The following CLVS1 variants were observed in gnomAD, a reference collection of about 807,000 sequenced individuals.
The protein encoded by CLVS1 is clavesin-1.
CLVS1 carries 10 observed loss-of-function variants against 33.1 expected under a neutral mutation model. That is an observed-to-expected ratio of 0.30 (90% CI 0.19 to 0.51). CLVS1 has a LOEUF of 0.51. Among genes scored for constraint, CLVS1 ranks in the 20% least tolerant of loss-of-function variants. CLVS1 has a pLI of 0.97. For missense variants in CLVS1, 343 were observed against 433.4 expected, an observed-to-expected ratio of 0.79 and a Z score of 1.85; for synonymous variants, 163 against 166.1, an observed-to-expected ratio of 0.98 and a Z score of 0.14.
intron 3 of CLVS1, among the ~76,000 whole-genome samples, chr8:61,396,758 T>C (rs1292309517): frequency 1.3e-5 from 2 of 152,216 alleles, no homozygotes; most frequent in Non-Finnish European, 2.9e-5. Context: ...GATTTACTGA[T>C]TCTGGACATT....
chr8:61,251,964 G>T (rs1808959187), intron 2 of CLVS1, among the ~76,000 whole-genome samples: 2 of 151,996 alleles, frequency 1.3e-5, no homozygotes, highest in Non-Finnish European at 2.9e-5. Flanking sequence ...GCTAATTTTT[G>T]AATTTGTTTG....
At chr8:61,137,656 A>C (rs1585636459) in intron 2 of CLVS1, among the ~76,000 whole-genome samples, 1 of 152,090 alleles carries the variant, frequency 6.6e-6, no homozygotes, top group East Asian at 1.9e-4. Flanking sequence ...CTATGTCCTC[A>C]AGTCTTCAGA....
chr8:61,307,989 A>C (rs930150016), intron 2 of CLVS1, among the ~76,000 whole-genome samples: 1 of 152,242 alleles, frequency 6.6e-6, no homozygotes, highest in Non-Finnish European at 1.5e-5. Flanking sequence ...AGGCAGGATC[A>C]GTATTATTGA....
At chr8:61,164,212 C>A (rs887138309) in intron 2 of CLVS1, among the ~76,000 whole-genome samples, 8 of 152,202 alleles carry the variant, frequency 5.3e-5, no homozygotes, top group African/African-American at 1.9e-4. Flanking sequence ...CCTTCCCCAA[C>A]TAGGCGTAGG....
At chr8:61,285,959 GT>G (rs34918981), upstream of CLVS1, among the ~76,000 whole-genome samples, 10,355 of 135,046 alleles carry the variant, frequency 0.077, 496 homozygotes, top group African/African-American at 0.15. Context: ...TTTCCCTGTA[GT>G]TTTTTTTTTT....
intron 3 of CLVS1, among the ~76,000 whole-genome samples, chr8:61,434,477 T>C (rs1434774072): frequency 2.0e-5 from 3 of 152,242 alleles, no homozygotes; most frequent in East Asian, 3.9e-4. Flanking sequence ...CCTAAGAACA[T>C]GTGCCCAAGG....
At chr8:61,318,290 G>T (rs1811078988) in intron 2 of CLVS1, among the ~76,000 whole-genome samples, 1 of 152,018 alleles carries the variant, frequency 6.6e-6, no homozygotes, top group Admixed American at 6.6e-5. Flanking sequence ...AGATGTTTTT[G>T]ATATCATTGT....
At chr8:61,053,832 C>A (rs1804426688), upstream of CLVS1, among the ~76,000 whole-genome samples, 1 of 152,168 alleles carries the variant, frequency 6.6e-6, no homozygotes, top group South Asian at 2.1e-4. Flanking sequence ...TGTTAGGATG[C>A]AAATCTTGGC....
chr8:61,036,770 G>A, the CLVS1 span, among the ~76,000 whole-genome samples: 3,548 of 152,286 alleles, frequency 0.023, 59 homozygotes, highest in Middle Eastern at 0.051. Context: ...CCTTGCTAAC[G>A]TTTGCCATTA....
intron 2 of CLVS1, among the ~76,000 whole-genome samples, chr8:61,315,238 G>A (rs188399644): frequency 6.6e-6 from 1 of 152,276 alleles, no homozygotes; most frequent in Admixed American, 6.5e-5. Context: ...TACCAAAGTG[G>A]TGTCAGTCCT....
chr8:61,349,119 C>G (rs1459911539), intron 2 of CLVS1, among the ~76,000 whole-genome samples: 1 of 151,950 alleles, frequency 6.6e-6, no homozygotes. Flanking sequence ...GATTTTCACC[C>G]TTTGTTAGAT....
intron 2 of CLVS1, among the ~76,000 whole-genome samples, chr8:61,236,680 G>A (rs979800283): frequency 6.6e-6 from 1 of 152,080 alleles, no homozygotes; most frequent in African/African-American, 2.4e-5. Flanking sequence ...GCTCCCCAGG[G>A]CCTAGATTCA....
intron 2 of CLVS1, among the ~76,000 whole-genome samples, chr8:61,231,436 T>G (rs111736836): frequency 0.019 from 2,891 of 152,252 alleles, 85 homozygotes; most frequent in African/African-American, 0.063. Flanking sequence ...ATTTTCTGAG[T>G]GTCAGGGTAG....
At position 61,149,551 on chromosome 8, in the gene CLVS1, C is replaced by CAAAAAAAAAAAAAAA. The variant is rs1166606940; in HGVS notation, c.-152+17694_-152+17708dup. 4.7e-3 allele frequency among the ~76,000 whole-genome samples: 243 copies of CAAAAAAAAAAAAAAA among 51,864 alleles called. 15 individuals are homozygous for CAAAAAAAAAAAAAAA. The highest frequency in any genetic ancestry group is 7.2e-3 in the Non-Finnish European group (164 of 22,862). 34.0% of individuals were successfully genotyped at this position (51,864 alleles called of 152,430 possible). ...TAGGCGACAGAACGAGACTCTGTCT[C>CAAAAAAAAAAAAAAA]AAAAAAAAAAAAAAAAACAAAAAAC... On this transcript the variant is annotated intron_variant, in intron 2 of 2. Transcript: ENST00000522621.
intron 2 of CLVS1, among the ~76,000 whole-genome samples, chr8:61,373,624 A>C (rs920943049): frequency 1.3e-5 from 2 of 152,216 alleles, no homozygotes; most frequent in African/African-American, 2.4e-5. Flanking sequence ...TATCTTCACC[A>C]TTCAACTAAA....
intron 2 of CLVS1, among the ~76,000 whole-genome samples, chr8:61,276,792 T>C (rs1585742474): frequency 1.3e-5 from 2 of 152,230 alleles, no homozygotes; most frequent in South Asian, 2.1e-4. Context: ...TTAGTTATTA[T>C]GTAAAAACAG....
the CLVS1 span, among the ~76,000 whole-genome samples, chr8:60,968,915 A>T: frequency 2.6e-5 from 4 of 152,000 alleles, no homozygotes; most frequent in Admixed American, 6.5e-5. Flanking sequence ...TAAAATAAAA[A>T]AAAATAAAAG....
rs561689909 is a variant in CLVS1 at position 61,501,484 on chromosome 8, C to T, written c.*1942C>T. 1.8e-4 allele frequency: 27 copies of T among 152,088 alleles called. No homozygotes were observed. The highest frequency in any genetic ancestry group is 5.5e-4 in the African/African-American group (23 of 41,516). 9.4% of individuals were successfully genotyped at this position (152,088 alleles called of 1,614,324 possible). A position where few individuals can be genotyped will look rare whatever the true frequency, so the allele number is the denominator to read the frequency against. On this transcript the variant is annotated 3_prime_UTR_variant, in exon 6 of 6. Coordinates refer to ENST00000325897, the MANE Select transcript of CLVS1 (RefSeq NM_173519.3). ...ATGTAAGATGATGGCTCAAAAATGA[C>T]GACTTATAGTTTGAATTTATGTGTA...
intron 2 of CLVS1, among the ~76,000 whole-genome samples, chr8:61,335,532 A>G (rs1811768642): frequency 6.6e-6 from 1 of 152,196 alleles, no homozygotes; most frequent in Non-Finnish European, 1.5e-5. Flanking sequence ...TGTGTACCCA[A>G]GCTTATGCAC....
Sources: allele counts gnomAD v4.1 joint callset (sites outside exome capture counted in the v4.1 genomes callset), GRCh38; gene constraint gnomAD v4.1.1; transcripts MANE v1.5; gene names NCBI Gene and HGNC (gene_info 2026-07-23, HGNC 2026-07-21).